PDS5B: variants seen among roughly 807,000 people sequenced by gnomAD.
PDS5B encodes PDS5 cohesin associated factor B.
PDS5B carries 51 observed loss-of-function variants against 184.1 expected under a neutral mutation model. The observed-to-expected ratio is 0.28, with a 90% CI of 0.22 to 0.35. PDS5B has a LOEUF of 0.35. PDS5B is among the 10% of genes least tolerant of loss of function. The pLI is 1.00. For missense variants in PDS5B, 1,180 were observed against 1,723.3 expected (o/e 0.68, Z 5.58); for synonymous variants, 566 against 569.2 (o/e 0.99, Z 0.08).
intron 12 of PDS5B, among the ~76,000 whole-genome samples, 176 bp downstream of exon 12, chr13:32,687,461 G>A (rs1245549640): frequency 2.6e-5 from 4 of 152,080 alleles, no homozygotes; most frequent in African/African-American, 4.8e-5. Context: ...AAGCAGTAAT[G>A]TACATATAAC....
chr13:32,778,005 A>G lies in PDS5B; in HGVS notation c.*2953A>G, dbSNP rs1176562116. Reference sequence around the variant, plus strand: ...TTTTTGGATTTCTGTGAAGTTGAATAAACATAAAAGCTAATACAGTTGTAT... The same window carrying G: ...TTTTTGGATTTCTGTGAAGTTGAATGAACATAAAAGCTAATACAGTTGTAT... On this transcript the variant is annotated 3_prime_UTR_variant, in exon 35 of 35. Coordinates refer to ENST00000315596, the MANE Select transcript of PDS5B (RefSeq NM_015032.4). 3 of 152,450 alleles carry G rather than the reference A, an allele frequency of 2.0e-5. No homozygotes were observed. The highest frequency in any genetic ancestry group is 4.4e-5 in the Non-Finnish European group (3 of 67,866). 9.4% of individuals were successfully genotyped at this position (152,450 alleles called of 1,614,324 possible). A position where few individuals can be genotyped will look rare whatever the true frequency, so the allele number is the denominator to read the frequency against.
At chr13:32,612,371 A>G (rs1294128532) in intron 1 of PDS5B, among the ~76,000 whole-genome samples, 1 of 152,100 alleles carries the variant, frequency 6.6e-6, no homozygotes, top group Admixed American at 6.5e-5. Flanking sequence ...CCCGGCCCAC[A>G]TTGTTTTTTT....
At chr13:32,769,624 T>C (rs1954710005) in intron 31 of PDS5B, among the ~76,000 whole-genome samples, 1 of 152,228 alleles carries the variant, frequency 6.6e-6, no homozygotes, top group Non-Finnish European at 1.5e-5. Flanking sequence ...ATGATGAATA[T>C]GTTTACCTTT....
chr13:32,587,382 C>T (rs1265964415), intron 1 of PDS5B, among the ~76,000 whole-genome samples: 1 of 152,212 alleles, frequency 6.6e-6, no homozygotes, highest in Non-Finnish European at 1.5e-5. Context: ...TCTAGCTTTC[C>T]TTTCAGAAGG....
At chr13:32,741,051 G>T (rs2320470) in intron 21 of PDS5B, 29 bp from the exon 22 acceptor site, 1,002,197 of 1,061,118 alleles carry the variant, frequency 0.94, 471,675 homozygotes, top group African/African-American at 0.97. Flanking sequence ...AAAGTCCCTG[G>T]TTTTTTTTTT....
In PDS5B at chr13:32,616,228, T is replaced by C. The variant is rs374838834; in HGVS notation, c.-20+29635T>C. 9.9e-5 allele frequency among the ~76,000 whole-genome samples: 15 copies of C among 152,274 alleles called. No individual in the cohort carries two copies. In the South Asian group the frequency reaches 3.1e-3, roughly 32 times the overall value. On this transcript the variant is annotated intron_variant, in intron 1 of 34. Transcript: ENST00000315596. ...GCCACCACACCCAGCTAATTTTTTG[T>C]ATTTTTAGTAGAGACAGGGTTTCAC...
At chr13:32,591,495 T>C (rs1029324098) in intron 1 of PDS5B, among the ~76,000 whole-genome samples, 9 of 152,182 alleles carry the variant, frequency 5.9e-5, no homozygotes, top group Non-Finnish European at 1.0e-4. Flanking sequence ...CACATACAGA[T>C]CAACATAATT....
intron 33 of PDS5B, among the ~76,000 whole-genome samples, chr13:32,772,047 A>G (rs1954806818): frequency 6.6e-6 from 1 of 151,840 alleles, no homozygotes; most frequent in African/African-American, 2.4e-5. Context: ...ATACTAACAT[A>G]TGTTAGGATT....
intron 21 of PDS5B, among the ~76,000 whole-genome samples, chr13:32,735,865 CATAAT>C (rs374779409): frequency 6.6e-5 from 10 of 152,226 alleles, no homozygotes; most frequent in African/African-American, 2.2e-4. Flanking sequence ...AAAAAGTAAA[CATAAT>C]ATAAGTAGTG....
chr13:32,626,487 A>AT (rs953690488), intron 1 of PDS5B, among the ~76,000 whole-genome samples: 2 of 152,114 alleles, frequency 1.3e-5, no homozygotes, highest in African/African-American at 2.4e-5. Flanking sequence ...ACATTTGGGA[A>AT]TTTTTTCTTC....
At chr13:32,739,411 T>TA (rs1158062008) in intron 21 of PDS5B, among the ~76,000 whole-genome samples, 1 of 152,216 alleles carries the variant, frequency 6.6e-6, no homozygotes, top group African/African-American at 2.4e-5. Context: ...TCACACAACT[T>TA]ATGTTAGGCA....
intron 19 of PDS5B, among the ~76,000 whole-genome samples, chr13:32,719,649 T>G (rs531487834): frequency 1.4e-4 from 22 of 152,306 alleles, no homozygotes; most frequent in Admixed American, 4.6e-4. Context: ...CCCTTTTATT[T>G]TAGTGGGGGT....
intron 22 of PDS5B, among the ~76,000 whole-genome samples, chr13:32,741,609 T>C (rs1189720626): frequency 6.6e-6 from 1 of 151,648 alleles, no homozygotes; most frequent in Non-Finnish European, 1.5e-5. Flanking sequence ...GTAGACCTCA[T>C]GTCAATCCAC....
intron 1 of PDS5B, among the ~76,000 whole-genome samples, chr13:32,603,484 G>T (rs939328355): frequency 6.6e-5 from 10 of 152,188 alleles, no homozygotes; most frequent in Non-Finnish European, 5.9e-5. Context: ...TACCATGCTG[G>T]TTTGGTTACT....
rs543862551 is a variant in PDS5B, at chr13:32,751,521, A to G, written c.2737-1811A>G. ...TTTCTCCACAGTCTCACCAGCATCT[A>G]TTATTTTTTGGCTTTCTAATAATGG... On this transcript the variant is annotated intron_variant, in intron 24 of 34. Transcript: ENST00000315596. Among the ~76,000 whole-genome samples the G allele has an allele frequency of 4.6e-5, 7 of 152,230 alleles. 1 individual carries two copies. In the South Asian group the frequency reaches 1.2e-3, roughly 27 times the overall value.
In PDS5B at chr13:32,776,972, T is replaced by C. The variant is rs1187405823; in HGVS notation, c.*1920T>C. On this transcript the variant is annotated 3_prime_UTR_variant, in exon 35 of 35. Transcript: ENST00000315596. ...CAGGTGGGATCAACATACATTGGTT[T>C]TGAAATGTTTCCTTAGCTCGGTTCT... The C allele has an allele frequency of 6.6e-6, 1 of 152,488 alleles. No homozygotes were observed. Among genetic ancestry groups the C allele is most frequent in the Non-Finnish European group, 1.5e-5 (1 of 67,916 alleles). The allele number at this position is 152,488 out of a possible 1,614,324, so 9.4% of individuals were successfully genotyped here.
intron 17 of PDS5B, among the ~76,000 whole-genome samples, chr13:32,706,323 T>TAAATAAAA (rs1566352283): frequency 1.4e-5 from 2 of 147,600 alleles, no homozygotes; most frequent in South Asian, 2.1e-4. Context: ...AATAAATAAA[T>TAAATAAAA]AAAATAACAT....
intron 6 of PDS5B, among the ~76,000 whole-genome samples, chr13:32,660,770 C>A (rs1950621490): frequency 6.6e-6 from 1 of 152,094 alleles, no homozygotes; most frequent in African/African-American, 2.4e-5. Context: ...GTAGGTACTT[C>A]CAGAAACTAG....
chr13:32,750,549 C>T, intron 24 of PDS5B, among the ~76,000 whole-genome samples: 1 of 151,904 alleles, frequency 6.6e-6, no homozygotes, highest in East Asian at 1.9e-4. Flanking sequence ...TAATTCCCCC[C>T]TCCTCCCCCC....
Sources: allele counts gnomAD v4.1 joint callset (sites outside exome capture counted in the v4.1 genomes callset), GRCh38; gene constraint gnomAD v4.1.1; transcripts MANE v1.5; gene names NCBI Gene and HGNC (gene_info 2026-07-23, HGNC 2026-07-21).